PUF60: variants seen among roughly 807,000 people sequenced by gnomAD.
PUF60 encodes the protein poly(U) binding splicing factor 60, also known as poly(U)-binding-splicing factor PUF60.
PUF60 carries 10 observed loss-of-function variants against 61.8 expected under a neutral mutation model. The observed-to-expected ratio is 0.16, with a 90% CI of 0.10 to 0.27. The LOEUF (loss-of-function observed/expected upper bound fraction) is 0.27, where lower values mean the gene tolerates loss of function less well. Among genes scored for constraint, PUF60 ranks in the 10% least tolerant of loss-of-function variants. The probability of loss-of-function intolerance (pLI) is 1.00; values close to 1 mark genes in which losing one functional copy is unlikely to be tolerated. For synonymous variants in PUF60, 353 were observed against 300.9 expected (o/e 1.17, Z -1.79); for missense variants, 371 against 754.0 (o/e 0.49, Z 5.95).
intron 1 of PUF60, among the ~76,000 whole-genome samples, chr8:143,825,549 G>A (rs544608284): frequency 2.1e-3 from 322 of 152,178 alleles, no homozygotes; most frequent in African/African-American, 7.5e-3. Context: ...TTGAGACAGG[G>A]TCTGGCTCTG....
intron 1 of PUF60, among the ~76,000 whole-genome samples, chr8:143,828,745 C>CA (rs1465056788): frequency 2.0e-5 from 3 of 152,174 alleles, no homozygotes; most frequent in Admixed American, 6.5e-5. Flanking sequence ...CACGTGGAGA[C>CA]AAGAGAATGG....
chr8:143,824,090 G>A (rs1817337604), intron 2 of PUF60, among the ~76,000 whole-genome samples: 1 of 152,252 alleles, frequency 6.6e-6, no homozygotes, highest in South Asian at 2.1e-4. Context: ...GATGCAGAGG[G>A]CAAAGGCCAG....
chr8:143,817,790 C>G lies in PUF60; in HGVS notation c.818-8G>C, dbSNP rs112143750. The G allele has an allele frequency of 1.2e-6, 2 of 1,608,742 alleles. No individual in the cohort carries two copies. The highest frequency in any genetic ancestry group is 1.7e-6 in the Non-Finnish European group (2 of 1,178,022). ...ACTGGGCCTTCTCGTACTCTGTGGG[C>G]AGGAGCAGCAGTGAGCAGGGCCAGC... On this transcript the variant is annotated splice_polypyrimidine_tract_variant and splice_region_variant and intron_variant, in intron 8 of 11. Coordinates refer to ENST00000526683, the MANE Select transcript of PUF60 (RefSeq NM_078480.3). The surrounding 1 kb of genome is among the most constrained non-coding windows in gnomAD (Gnocchi z 7.4).
chr8:143,824,122 G>A (rs1817341431), intron 2 of PUF60, among the ~76,000 whole-genome samples, 191 bp downstream of exon 2: 1 of 152,216 alleles, frequency 6.6e-6, no homozygotes, highest in African/African-American at 2.4e-5. Context: ...GGTGGGGAGG[G>A]TGCAGGGCTG....
chr8:143,819,439 C>T (rs1279752915), intron 5 of PUF60, among the ~76,000 whole-genome samples: 1 of 152,018 alleles, frequency 6.6e-6, no homozygotes, highest in Non-Finnish European at 1.5e-5. Flanking sequence ...AGCCTGTGGG[C>T]CAGGGCAGGC....
chr8:143,821,421 G>A (rs917482061), intron 4 of PUF60, 176 bp downstream of exon 4: 2 of 635,460 alleles, frequency 3.1e-6, no homozygotes, highest in Non-Finnish European at 5.6e-6. Context: ...GGTGGGAAAG[G>A]CTGGGCCACT....
At chr8:143,820,638 C>T in intron 5 of PUF60, 28 bp downstream of exon 5, 1 of 1,606,698 alleles carries the variant, frequency 6.2e-7, no homozygotes, top group Non-Finnish European at 8.5e-7. Context: ...GGACATGAGC[C>T]CCGGAAGAAG....
chr8:143,827,323 G>A, intron 1 of PUF60: 3 of 455,684 alleles, frequency 6.6e-6, no homozygotes, highest in South Asian at 4.7e-5. Flanking sequence ...GAGCTGGTCT[G>A]GCTGTCAGTG....
chr8:143,818,086 G>C lies in PUF60; in HGVS notation c.604-11C>G. ...GCTGGGTCTGCCCACCTGGGGAAGA[G>C]GCGGTGAGATGGAAAGACCGGTCAA... is the stretch of plus-strand genomic sequence containing the variant. On this transcript the variant is annotated splice_polypyrimidine_tract_variant and intron_variant, in intron 7 of 11. Transcript: ENST00000526683. This position sits in a 1 kb window ranked among gnomAD's most constrained non-coding sequence, Gnocchi z 7.9. 1.2e-6 allele frequency: 2 copies of C among 1,610,920 alleles called. No homozygotes were observed. The highest frequency in any genetic ancestry group is 1.7e-6 in the Non-Finnish European group (2 of 1,178,962).
chr8:143,829,267 G>T lies in PUF60; in HGVS notation c.24+13C>A, dbSNP rs562380452. 4.8e-4 allele frequency: 605 copies of T among 1,257,830 alleles called. 1 individual carries two copies. Among genetic ancestry groups the T allele is most frequent in the Admixed American group, 4.4e-3 (110 of 25,250 alleles). The allele number at this position is 1,257,830 out of a possible 1,614,324, so 77.9% of individuals were successfully genotyped here. On this transcript the variant is annotated intron_variant, in intron 1 of 11. Coordinates refer to ENST00000526683, the MANE Select transcript of PUF60 (RefSeq NM_078480.3). ...GCCGAGGGCCGCCCGCGCTCATGGGGGGGCTCACTTACGAGAGCTATGGTC... is the reference window on the plus strand; with the variant it reads ...GCCGAGGGCCGCCCGCGCTCATGGGTGGGCTCACTTACGAGAGCTATGGTC...
At chr8:143,824,511 G>A in intron 1 of PUF60, 112 bp from the exon 2 acceptor site, 2 of 1,119,216 alleles carry the variant, frequency 1.8e-6, no homozygotes, top group South Asian at 2.9e-5. Context: ...GGGAGGCCAG[G>A]CAGGGAGGCA....
rs574529767 is a variant in PUF60 at position 143,817,589 on chromosome 8, C to G, written c.1008+3G>C. 6.2e-7 allele frequency: 1 copy of G among 1,611,574 alleles called. No individual in the cohort carries two copies. Among genetic ancestry groups the G allele is most frequent in the East Asian group, 2.2e-5 (1 of 44,870 alleles). Reference sequence around the variant, plus strand: ...TCAAGCCGACAGCTGTGTGGGCCCTCACCTGAGCTGTGATCTTGGCAGTGG... The same window carrying G: ...TCAAGCCGACAGCTGTGTGGGCCCTGACCTGAGCTGTGATCTTGGCAGTGG... On this transcript the variant is annotated splice_donor_region_variant and intron_variant, in intron 9 of 11. Transcript: ENST00000526683. The surrounding 1 kb of genome is among the most constrained non-coding windows in gnomAD (Gnocchi z 7.4).
In PUF60 at chr8:143,817,920, C is replaced by G; in HGVS notation, c.759G>C (p.Lys253Asn). The change falls in exon 8 of 12, where the codon AAG (lysine) becomes AAC (asparagine). Residue 253 changes from lysine (K) to asparagine (N), a missense_variant. Lys to Asn is a moderately conservative substitution (Grantham distance 94, BLOSUM62 0). Transcript: ENST00000526683. This position sits in a 1 kb window ranked among gnomAD's most constrained non-coding sequence, Gnocchi z 7.4. Reference protein sequence around the residue: ...KSVFEAFGKIKSCTLARDPTT... With the variant: ...KSVFEAFGKINSCTLARDPTT... The stretch of plus-strand genomic sequence containing the variant: ...TGGGGTCCCGGGCCAGTGTGCAGGA[C>G]TTGATCTTGCCAAAGGCCTCAAACA... The G allele has an allele frequency of 6.2e-7, 1 of 1,612,912 alleles. No individual in the cohort carries two copies. The highest frequency in any genetic ancestry group is 8.5e-7 in the Non-Finnish European group (1 of 1,179,866).
intron 1 of PUF60, among the ~76,000 whole-genome samples, chr8:143,826,066 G>T (rs958028419): frequency 2.0e-5 from 3 of 152,256 alleles, no homozygotes; most frequent in Non-Finnish European, 4.4e-5. Context: ...GGGAGAACTT[G>T]GAGGAAACCG....
chr8:143,828,475 C>T (rs1418334254), intron 1 of PUF60, among the ~76,000 whole-genome samples: 1 of 152,240 alleles, frequency 6.6e-6, no homozygotes, highest in African/African-American at 2.4e-5. Context: ...CATGGGTGTT[C>T]TCCCTCTACG....
rs754892181 is a variant in PUF60 at position 143,817,138 on chromosome 8, G to A, written c.1152C>T (p.Thr384=). The change falls in exon 11 of 12, where the codon ACC becomes ACT. Residue 384 remains threonine (T), a synonymous_variant. Coordinates refer to ENST00000526683, the MANE Select transcript of PUF60 (RefSeq NM_078480.3). This position sits in a 1 kb window ranked among gnomAD's most constrained non-coding sequence, Gnocchi z 7.4. ...TGACCGGGATAGGAGGACGGGCTGG[G>A]GTCACACCTGCAGGAAAACCAACCA... ...AQAPGVITGV[T]PARPPIPVTI... is the part of the protein sequence containing the mutation. The A allele has an allele frequency of 2.5e-6, 4 of 1,598,398 alleles. No homozygotes were observed. Among genetic ancestry groups the A allele is most frequent in the Non-Finnish European group, 3.4e-6 (4 of 1,172,544 alleles).
chr8:143,828,510 G>A (rs374802572), intron 1 of PUF60, among the ~76,000 whole-genome samples: 26 of 152,314 alleles, frequency 1.7e-4, no homozygotes, highest in African/African-American at 6.3e-4. Flanking sequence ...CCTGCCCGGG[G>A]AAGTGGGCAC....
intron 5 of PUF60, among the ~76,000 whole-genome samples, chr8:143,819,255 C>A (rs1816740533): frequency 1.3e-5 from 2 of 152,170 alleles, no homozygotes; most frequent in South Asian, 4.1e-4. Flanking sequence ...CGAGAAGCCC[C>A]CAGGCTCCTT....
rs1288451184 is a variant in PUF60 at position 143,818,701 on chromosome 8, G to A, written c.349-167C>T. On this transcript the variant is annotated intron_variant, in intron 5 of 11. Transcript: ENST00000526683. This position sits in a 1 kb window ranked among gnomAD's most constrained non-coding sequence, Gnocchi z 7.9. ...CTGCAGTCATAGTGTGGGGGTCGCAGGACCCCGCCACCCAAAGAAGGAAGG... is the reference window on the plus strand; with the variant it reads ...CTGCAGTCATAGTGTGGGGGTCGCAAGACCCCGCCACCCAAAGAAGGAAGG... The A allele has an allele frequency of 1.4e-6, 1 of 732,912 alleles. No individual in the cohort carries two copies. The highest frequency in any genetic ancestry group is 2.0e-5 in the South Asian group (1 of 50,906). The allele number at this position is 732,912 out of a possible 1,614,324, so 45.4% of individuals were successfully genotyped here.
Sources: gnomAD v4.1 joint callset for allele counts (sites outside exome capture counted in the v4.1 genomes callset) on GRCh38, gnomAD v4.1.1 for gene constraint, Gnocchi (gnomAD v3.1) non-coding constraint, MANE v1.5 for transcripts, NCBI Gene and HGNC (gene_info 2026-07-23, HGNC 2026-07-21) for gene names.